The following ZNF93 variants were observed in gnomAD, a reference collection of about 807,000 sequenced individuals.
ZNF93 encodes the protein zinc finger protein 93.
Under a neutral mutation model 45.0 loss-of-function variants are expected in ZNF93, and 29 were observed. That is an observed-to-expected ratio of 0.64 (90% CI 0.48 to 0.88). The LOEUF (loss-of-function observed/expected upper bound fraction) is 0.88, where lower values mean the gene tolerates loss of function less well. Among genes scored for constraint, ZNF93 ranks in the 40% least tolerant of loss-of-function variants. ZNF93 has a pLI of 0.00. For synonymous variants in ZNF93, 223 were observed against 244.6 expected, an observed-to-expected ratio of 0.91 and a Z score of 0.82; for missense variants, 578 against 724.0, an observed-to-expected ratio of 0.80 and a Z score of 2.31.
At chr19:19,908,536 T>G (rs952958092) in intron 1 of ZNF93, 1 of 152,040 alleles carries the variant, frequency 6.6e-6, no homozygotes, top group Non-Finnish European at 1.5e-5. Context: ...TCTTTTTACC[T>G]TTTTTCTTTC....
At chr19:19,918,135 G>A (rs2063330458) in intron 3 of ZNF93, among the ~76,000 whole-genome samples, 1 of 147,470 alleles carries the variant, frequency 6.8e-6, no homozygotes, top group African/African-American at 2.5e-5. Context: ...AGTGTGTGAT[G>A]TTCTCCTTCC....
intron 3 of ZNF93, among the ~76,000 whole-genome samples, chr19:19,929,070 C>T (rs905926188): frequency 1.3e-5 from 2 of 152,154 alleles, no homozygotes; most frequent in African/African-American, 4.8e-5. Context: ...TGGCTTGGTA[C>T]ATCCTCTCGG....
chr19:19,931,539 A>G (rs1454119242), intron 3 of ZNF93, among the ~76,000 whole-genome samples: 2 of 149,676 alleles, frequency 1.3e-5, no homozygotes, highest in Non-Finnish European at 3.0e-5. Flanking sequence ...GCTTATTTGT[A>G]TTTTTTGTAG....
rs2122203823 is a variant in ZNF93 at position 19,935,114 on chromosome 19, G to T, written c.*296G>T. ...ACCCACACAGTTAACCTGAGGAAAT[G>T]CTCTCTGGTACTCACTGAAAGCCAC... On this transcript the variant is annotated 3_prime_UTR_variant, in exon 4 of 4. Transcript: ENST00000343769. 2 of 353,374 alleles carry T rather than the reference G, an allele frequency of 5.7e-6. No homozygotes were observed. Among genetic ancestry groups the T allele is most frequent in the Non-Finnish European group, 1.0e-5 (2 of 196,050 alleles). The allele number at this position is 353,374 out of a possible 1,614,324, so 21.9% of individuals were successfully genotyped here.
At chr19:19,906,923 T>TC (rs1277867521) in intron 1 of ZNF93, among the ~76,000 whole-genome samples, 3 of 149,484 alleles carry the variant, frequency 2.0e-5, no homozygotes, top group East Asian at 2.0e-4. Flanking sequence ...TTCTGCTTTT[T>TC]CCCCCATAAA....
chr19:19,903,409 G>A (rs1255571300), intron 1 of ZNF93, among the ~76,000 whole-genome samples: 2 of 152,284 alleles, frequency 1.3e-5, no homozygotes, highest in East Asian at 3.9e-4. Flanking sequence ...CCTGAGGAAG[G>A]GAGATAAACC....
chr19:19,907,260 A>G (rs2063295610), intron 1 of ZNF93, among the ~76,000 whole-genome samples: 1 of 152,206 alleles, frequency 6.6e-6, no homozygotes, highest in Non-Finnish European at 1.5e-5. Context: ...TTTTAGGAGC[A>G]CACAGAAGCT....
At chr19:19,924,245 G>T (rs146571606) in intron 3 of ZNF93, among the ~76,000 whole-genome samples, 112 of 151,984 alleles carry the variant, frequency 7.4e-4, no homozygotes, top group African/African-American at 2.2e-3. Flanking sequence ...TTGCCACAAT[G>T]CCTGGCTAAT....
chr19:19,930,201 AGAGAGAGAGAGG>A lies in ZNF93; in HGVS notation c.227-2969_227-2958del, dbSNP rs1365412557. On this transcript the variant is annotated intron_variant, in intron 3 of 3. Coordinates refer to ENST00000343769, the MANE Select transcript of ZNF93 (RefSeq NM_031218.4). ...CCCTTCCCTGCCTGGCAGCCAAGGC[AGAGAGAGAGAGG>A]GAGAGAGAGAGACAGCTTATGCCAT... Among the ~76,000 whole-genome samples, 3 of 106,732 alleles carry A rather than the reference AGAGAGAGAGAGG, an allele frequency of 2.8e-5. No individual in the cohort carries two copies. In the South Asian group the frequency reaches 7.2e-4, roughly 25 times the overall value. 70.0% of individuals were successfully genotyped at this position (106,732 alleles called of 152,430 possible).
At chr19:19,916,851 A>G (rs2122176570) in intron 3 of ZNF93, among the ~76,000 whole-genome samples, 196 bp downstream of exon 3, 1 of 151,950 alleles carries the variant, frequency 6.6e-6, no homozygotes, top group South Asian at 2.1e-4. Context: ...ATGCTTTTAA[A>G]TTCTCTAAGG....
chr19:19,917,991 T>C (rs980230683), intron 3 of ZNF93, among the ~76,000 whole-genome samples: 5 of 151,916 alleles, frequency 3.3e-5, no homozygotes, highest in Non-Finnish European at 1.5e-5. Flanking sequence ...AGTGTAGATG[T>C]GCACATCGTG....
intron 3 of ZNF93, among the ~76,000 whole-genome samples, chr19:19,923,038 GCT>G (rs1240470357): frequency 1.3e-5 from 2 of 152,260 alleles, no homozygotes; most frequent in African/African-American, 2.4e-5. Flanking sequence ...CAGTTTTTCT[GCT>G]CTGTTTTTCC....
In ZNF93 at chr19:19,916,489, G is replaced by A. The variant is rs1599569010; in HGVS notation, c.131-71G>A. On this transcript the variant is annotated intron_variant, in intron 2 of 3. Coordinates refer to ENST00000343769, the MANE Select transcript of ZNF93 (RefSeq NM_031218.4). ...TAGAATATTTTATCACATCGTCTTTGCTGAGCACATTACTAGCTTGTAATT... is the reference window on the plus strand; with the variant it reads ...TAGAATATTTTATCACATCGTCTTTACTGAGCACATTACTAGCTTGTAATT... The A allele has an allele frequency of 4.9e-6, 6 of 1,213,824 alleles. No homozygotes were observed. The East Asian group carries it at 1.2e-4, about 24-fold the overall frequency. 75.2% of individuals were successfully genotyped at this position (1,213,824 alleles called of 1,614,324 possible). A position where few individuals can be genotyped will look rare whatever the true frequency, so the allele number is the denominator to read the frequency against.
In ZNF93 at chr19:19,934,110, T is replaced by TAG. The variant is rs1491556890; in HGVS notation, c.1157_1158dup (p.His387AspfsTer228). ...CCTTCATTTGGTCCTCAGTCCTAAC[T>TAG]AGACATAAGAGAGTTCATACTGGAG... On this transcript the variant is annotated frameshift_variant, in exon 4 of 4. Coordinates refer to ENST00000343769, the MANE Select transcript of ZNF93 (RefSeq NM_031218.4). LOFTEE classifies it high-confidence loss of function. The TAG allele has an allele frequency of 6.2e-7, 1 of 1,611,006 alleles. No individual in the cohort carries two copies. The highest frequency in any genetic ancestry group is 8.5e-7 in the Non-Finnish European group (1 of 1,179,416).
At chr19:19,915,879 T>G (rs550627516) in intron 2 of ZNF93, among the ~76,000 whole-genome samples, 45 of 152,296 alleles carry the variant, frequency 3.0e-4, no homozygotes, top group Middle Eastern at 6.8e-3. Flanking sequence ...TGTTTCATCT[T>G]AATCCAATCT....
At chr19:19,922,539 G>A (rs2063344915) in intron 3 of ZNF93, among the ~76,000 whole-genome samples, 1 of 152,166 alleles carries the variant, frequency 6.6e-6, no homozygotes, top group Admixed American at 6.5e-5. Flanking sequence ...GTGTTTTCCA[G>A]CTTGGTTCCA....
At chr19:19,915,638 C>T (rs1003395782) in intron 2 of ZNF93, among the ~76,000 whole-genome samples, 7 of 151,946 alleles carry the variant, frequency 4.6e-5, no homozygotes, top group African/African-American at 1.7e-4. Context: ...GCGAGGAGTT[C>T]GAGACCAGCC....
chr19:19,932,122 A>G, intron 3 of ZNF93: 1 of 218,104 alleles, frequency 4.6e-6, no homozygotes, highest in Non-Finnish European at 9.3e-6. Flanking sequence ...AAATACAAAA[A>G]ATTAGCCAGG....
rs1236768116 is a variant in ZNF93 at position 19,907,569 on chromosome 19, C to T, written c.3+6478C>T. 3.4e-5 allele frequency among the ~76,000 whole-genome samples: 5 copies of T among 144,964 alleles called. No individual in the cohort carries two copies. In the Admixed American group the frequency reaches 3.5e-4, roughly 10 times the overall value. ...CTTTTCTTTTTTTTTTTTTTTGAGA[C>T]AGAGTCTCACTCTGTTGCCCAGGCT... On this transcript the variant is annotated intron_variant, in intron 1 of 3. Transcript: ENST00000343769.
Sources: gnomAD v4.1 joint callset for allele counts (sites outside exome capture counted in the v4.1 genomes callset) on GRCh38, gnomAD v4.1.1 for gene constraint, MANE v1.5 for transcripts, NCBI Gene and HGNC (gene_info 2026-07-23, HGNC 2026-07-21) for gene names.